Variants in DCAF7 observed in about 807,000 individuals in gnomAD.
DCAF7 encodes DDB1- and CUL4-associated factor 7.
Under a neutral mutation model 41.2 loss-of-function variants are expected in DCAF7, and 4 were observed. That is an observed-to-expected ratio of 0.10 (90% CI 0.05 to 0.22). The LOEUF is 0.22. DCAF7 is among the 10% of genes least tolerant of loss of function. The pLI is 1.00. For synonymous variants in DCAF7, 143 were observed against 164.2 expected (o/e 0.87, Z 0.99); for missense variants, 131 against 443.2 (o/e 0.30, Z 6.32).
chr17:63,559,324 TATATATATACATAC>T (rs909951921), intron 1 of DCAF7, among the ~76,000 whole-genome samples: 3 of 77,640 alleles, frequency 3.9e-5, no homozygotes, highest in African/African-American at 8.5e-5. Context: ...TATATATGTA[TATATATATACATAC>T]ATATATATAC....
At chr17:63,576,752 A>G (rs1454170897) in intron 1 of DCAF7, among the ~76,000 whole-genome samples, 1 of 152,030 alleles carries the variant, frequency 6.6e-6, no homozygotes, top group Non-Finnish European at 1.5e-5. Flanking sequence ...CATCTCTACA[A>G]AAAATTTAGA....
At chr17:63,582,466 G>A (rs994237587) in intron 4 of DCAF7, among the ~76,000 whole-genome samples, 5 of 150,272 alleles carry the variant, frequency 3.3e-5, no homozygotes, top group African/African-American at 7.4e-5. Context: ...GTCCCTCTTC[G>A]TCCTCTTTTT....
intron 1 of DCAF7, among the ~76,000 whole-genome samples, chr17:63,577,875 C>T (rs1388348909): frequency 1.3e-5 from 2 of 152,082 alleles, no homozygotes; most frequent in Non-Finnish European, 2.9e-5. Context: ...AGATAGTGCA[C>T]TTATGTAGTT....
intron 5 of DCAF7, 48 bp from the exon 6 acceptor site, chr17:63,585,163 T>C (rs1306431442): frequency 6.6e-7 from 1 of 1,521,160 alleles, no homozygotes; most frequent in Non-Finnish European, 9.0e-7. Context: ...TTTGTTTTTT[T>C]CTATGAAACT....
At chr17:63,565,290 T>C (rs1412251117) in intron 1 of DCAF7, among the ~76,000 whole-genome samples, 3 of 152,076 alleles carry the variant, frequency 2.0e-5, no homozygotes, top group African/African-American at 7.2e-5. Flanking sequence ...AATAGAGCTT[T>C]GTGGCCGGGC....
chr17:63,577,081 G>A (rs960881317), intron 1 of DCAF7, among the ~76,000 whole-genome samples: 1 of 152,166 alleles, frequency 6.6e-6, no homozygotes, highest in Non-Finnish European at 1.5e-5. Context: ...TATTTATATC[G>A]TATTATGGAG....
chr17:63,559,424 TA>T (rs2033354810), intron 1 of DCAF7, among the ~76,000 whole-genome samples: 1 of 100,254 alleles, frequency 1.0e-5, no homozygotes, highest in Non-Finnish European at 1.8e-5. Context: ...TATATACGTA[TA>T]TATATATGTG....
chr17:63,557,231 A>G (rs1040365919), intron 1 of DCAF7, among the ~76,000 whole-genome samples: 2 of 152,210 alleles, frequency 1.3e-5, no homozygotes, highest in African/African-American at 4.8e-5. Context: ...AAGCAGAGAT[A>G]TAGAGGATTG....
intron 1 of DCAF7, among the ~76,000 whole-genome samples, chr17:63,562,741 G>A (rs183111343): frequency 6.8e-5 from 9 of 132,204 alleles, no homozygotes; most frequent in Non-Finnish European, 9.2e-5. Context: ...TCCTGTGTCC[G>A]TGTGTTCTCA....
intron 1 of DCAF7, among the ~76,000 whole-genome samples, chr17:63,558,597 G>A (rs1323317490): frequency 1.3e-5 from 2 of 152,164 alleles, no homozygotes; most frequent in African/African-American, 2.4e-5. Flanking sequence ...GAGTGCAGTA[G>A]TGTGAGTATA....
intron 1 of DCAF7, among the ~76,000 whole-genome samples, chr17:63,574,962 A>T (rs566552412): frequency 6.8e-6 from 1 of 147,112 alleles, no homozygotes; most frequent in East Asian, 1.9e-4. Flanking sequence ...GACAAGCAAG[A>T]TCCTATCTTA....
chr17:63,584,681 GAAC>G (rs2033659177), intron 5 of DCAF7, among the ~76,000 whole-genome samples: 1 of 152,232 alleles, frequency 6.6e-6, no homozygotes, highest in Admixed American at 6.5e-5. Flanking sequence ...AGAATAGCTT[GAAC>G]CTGGGAAGCG....
intron 4 of DCAF7, among the ~76,000 whole-genome samples, chr17:63,582,127 G>C (rs1052746430): frequency 1.3e-5 from 2 of 152,188 alleles, no homozygotes; most frequent in Admixed American, 1.3e-4. Flanking sequence ...AGAAAGCCTC[G>C]ATCTGTCAGG....
chr17:63,584,266 G>A (rs555539910), intron 5 of DCAF7, among the ~76,000 whole-genome samples: 1 of 152,070 alleles, frequency 6.6e-6, no homozygotes, highest in South Asian at 2.1e-4. Flanking sequence ...TCAAGAGATG[G>A]AGACCATCCT....
intron 1 of DCAF7, among the ~76,000 whole-genome samples, chr17:63,559,778 G>A (rs2033361176): frequency 6.6e-6 from 1 of 151,960 alleles, no homozygotes. Context: ...CTCCAGCCTG[G>A]GCAACAGAGT....
In DCAF7 at chr17:63,583,488, T is replaced by C; in HGVS notation, c.529-14T>C. 2.5e-6 allele frequency: 4 copies of C among 1,611,800 alleles called. No homozygotes were observed. Among genetic ancestry groups the C allele is most frequent in the Non-Finnish European group, 3.4e-6 (4 of 1,178,440 alleles). On this transcript the variant is annotated splice_polypyrimidine_tract_variant and intron_variant, in intron 4 of 6. Transcript: ENST00000614556. The stretch of plus-strand genomic sequence containing the variant: ...TGGATCTGAATCTGACTGGAGCTTC[T>C]TGTTCACCAACAGGTCTATGATATT...
At chr17:63,584,350 TC>T (rs2033655023) in intron 5 of DCAF7, among the ~76,000 whole-genome samples, 1 of 152,016 alleles carries the variant, frequency 6.6e-6, no homozygotes, top group Non-Finnish European at 1.5e-5. Flanking sequence ...CGCCTGTAGT[TC>T]CAGCTATTCG....
Position 63,589,603 on chromosome 17 carries a change from AT to A in DCAF7, c.*434del. On this transcript the variant is annotated 3_prime_UTR_variant, in exon 7 of 7. Transcript: ENST00000614556. ...AGCACTTACGTGGGAACAAATACCA[AT>A]TTGTCTTTTCTCCTAGTATCAGTGT... The A allele has an allele frequency of 4.7e-6, 1 of 212,166 alleles. No individual in the cohort carries two copies. The highest frequency in any genetic ancestry group is 9.8e-6 in the Non-Finnish European group (1 of 102,218). 13.1% of individuals were successfully genotyped at this position (212,166 alleles called of 1,614,324 possible).
rs918773977 is a variant in DCAF7, at chr17:63,589,533, G to C, written c.*361G>C. The C allele has an allele frequency of 9.1e-6, 3 of 328,154 alleles. No individual in the cohort carries two copies. The Admixed American group carries it at 1.3e-4, about 14-fold the overall frequency. The allele number at this position is 328,154 out of a possible 1,614,324, so 20.3% of individuals were successfully genotyped here. On this transcript the variant is annotated 3_prime_UTR_variant, in exon 7 of 7. Coordinates refer to ENST00000614556, the MANE Select transcript of DCAF7 (RefSeq NM_005828.5). The stretch of plus-strand genomic sequence containing the variant: ...CTCTGCCCAGGTGTCTCTGTTTGCT[G>C]CCCAAGGCAGCAGTTCATGTCTCGT...
Sources: gnomAD v4.1 joint callset for allele counts (sites outside exome capture counted in the v4.1 genomes callset) on GRCh38, gnomAD v4.1.1 for gene constraint, MANE v1.5 for transcripts, NCBI Gene and HGNC (gene_info 2026-07-23, HGNC 2026-07-21) for gene names.